Variants in OR1L6 observed in about 807,000 individuals in gnomAD.
OR1L6 encodes the protein olfactory receptor 1L6.
A neutral mutation model predicts 3.0 loss-of-function variants in OR1L6; 2 were observed. The observed-to-expected ratio is 0.68, with a 90% CI of 0.28 to 2.13. OR1L6 has a LOEUF of 2.13. OR1L6 is among the 30% of genes most tolerant of loss of function. The probability of loss-of-function intolerance (pLI) is 0.14; values close to 1 mark genes in which losing one functional copy is unlikely to be tolerated. For synonymous variants in OR1L6, 121 were observed against 148.4 expected (o/e 0.82, Z 1.34); for missense variants, 304 against 378.4 (o/e 0.80, Z 1.63).
Position 122,750,328 on chromosome 9 carries a change from G to A in OR1L6, c.481G>A (p.Val161Met), listed in dbSNP as rs769160847. The change falls in exon 2 of 2, where the codon GTG becomes ATG. Residue 161 changes from valine (V) to methionine (M), a missense_variant. By Grantham distance (21) the Val-to-Met change is conservative. Coordinates refer to ENST00000304720, the MANE Select transcript of OR1L6 (RefSeq NM_001004453.3). Reference sequence around the variant, plus strand: ...CTCCCACCTACATTCCCTGTTCCGCGTGCTACTTATGTCTCGCTTGTCTTT... The same window carrying A: ...CTCCCACCTACATTCCCTGTTCCGCATGCTACTTATGTCTCGCTTGTCTTT... The part of the protein sequence containing the change: ...SISHLHSLFR[V>M]LLMSRLSFCA... 3.2e-5 allele frequency: 52 copies of A among 1,613,632 alleles called. No individual in the cohort carries two copies. The highest frequency in any genetic ancestry group is 2.0e-4 in the East Asian group (9 of 44,886).
chr9:122,743,600 A>G (rs188024848), intron 1 of OR1L6, among the ~76,000 whole-genome samples: 53 of 152,316 alleles, frequency 3.5e-4, no homozygotes, highest in South Asian at 1.9e-3. Context: ...GACAGTAAGC[A>G]AGAAGAGGCT....
intron 1 of OR1L6, among the ~76,000 whole-genome samples, chr9:122,747,506 A>G (rs1828847925): frequency 2.0e-5 from 3 of 152,012 alleles, no homozygotes. Flanking sequence ...AGGTGCATTG[A>G]ATTTTATTAA....
At chr9:122,747,343 A>G (rs1227624139) in intron 1 of OR1L6, among the ~76,000 whole-genome samples, 1 of 151,936 alleles carries the variant, frequency 6.6e-6, no homozygotes, top group Non-Finnish European at 1.5e-5. Context: ...GTTTTTCACT[A>G]TTATGTAATT....
rs2118909418 is a variant in OR1L6 at position 122,747,865 on chromosome 9, G to A, written c.-13-1970G>A. On this transcript the variant is annotated intron_variant, in intron 1 of 1. Coordinates refer to ENST00000304720, the MANE Select transcript of OR1L6 (RefSeq NM_001004453.3). The stretch of plus-strand genomic sequence containing the variant: ...GTCTTTTAATTCTTACTTTTTCACT[G>A]ATTGAGACCACTATATCAACAGTAT... Among the ~76,000 whole-genome samples, 3 of 152,008 alleles carry A rather than the reference G, an allele frequency of 2.0e-5. No individual in the cohort carries two copies. The South Asian group carries it at 6.2e-4, about 32-fold the overall frequency.
At chr9:122,744,197 T>G (rs1313306976) in intron 1 of OR1L6, among the ~76,000 whole-genome samples, 1 of 152,254 alleles carries the variant, frequency 6.6e-6, no homozygotes, top group Non-Finnish European at 1.5e-5. Flanking sequence ...TAGTCAATTC[T>G]CTACTGTCCT....
In OR1L6 at chr9:122,750,591, A is replaced by G. The variant is rs1346377479; in HGVS notation, c.744A>G (p.Ala248=). 6.2e-7 allele frequency: 1 copy of G among 1,614,114 alleles called. No individual in the cohort carries two copies. Among genetic ancestry groups the G allele is most frequent in the Admixed American group, 1.7e-5 (1 of 60,012 alleles). The stretch of plus-strand genomic sequence containing the variant: ...CTACCTGTGGCTCCCACCTCACTGC[A>G]GTAGCCCTTTTCTATGGGAGTATTA... ...AFSTCGSHLT[A]VALFYGSIIY... Residue 248 remains alanine, a synonymous_variant, in exon 2 of 2, where the codon GCA becomes GCG. Coordinates refer to ENST00000304720, the MANE Select transcript of OR1L6 (RefSeq NM_001004453.3).
chr9:122,742,990 T>C (rs1469723523), intron 1 of OR1L6, among the ~76,000 whole-genome samples: 1 of 152,174 alleles, frequency 6.6e-6, no homozygotes, highest in African/African-American at 2.4e-5. Flanking sequence ...TTTCCTAGGA[T>C]GCTAAAATGA....
intron 1 of OR1L6, among the ~76,000 whole-genome samples, chr9:122,747,781 T>G (rs1828850804): frequency 6.6e-6 from 1 of 152,042 alleles, no homozygotes; most frequent in Non-Finnish European, 1.5e-5. Flanking sequence ...ATTTTAAATT[T>G]TTTCAGATGA....
intron 1 of OR1L6, 97 bp downstream of exon 1, chr9:122,742,470 T>A (rs1220157065): frequency 6.6e-6 from 1 of 152,232 alleles, no homozygotes; most frequent in East Asian, 1.9e-4. Flanking sequence ...CTCTCCTCCA[T>A]CTCAAAAGCC....
intron 1 of OR1L6, 185 bp from the exon 2 acceptor site, chr9:122,749,650 G>T (rs1828869526): frequency 1.5e-6 from 1 of 675,384 alleles, no homozygotes; most frequent in African/African-American, 1.8e-5. Flanking sequence ...GGAGCTTGCA[G>T]TGAGCTGAGA....
At chr9:122,742,425 AG>A (rs1256714929) in intron 1 of OR1L6, 52 bp downstream of exon 1, 1 of 152,200 alleles carries the variant, frequency 6.6e-6, no homozygotes, top group Non-Finnish European at 1.5e-5. Flanking sequence ...CAATATCTTC[AG>A]GTGATCTTCT....
chr9:122,748,918 C>T (rs143833479), intron 1 of OR1L6, among the ~76,000 whole-genome samples: 115 of 152,296 alleles, frequency 7.6e-4, no homozygotes, highest in Middle Eastern at 3.4e-3. Context: ...TTTATCATGG[C>T]TAAACAGTAT....
rs751427802 is a variant in OR1L6, at chr9:122,750,266, G to C, written c.419G>C (p.Arg140Pro). Residue 140 changes from arginine to proline, a missense_variant, in exon 2 of 2, where the codon CGG becomes CCG. Around this residue, in one of 3 missense-constraint regions of OR1L6, gnomAD observed 192 missense variants for 242.7 expected, o/e 0.79. Coordinates refer to ENST00000304720, the MANE Select transcript of OR1L6 (RefSeq NM_001004453.3). ...PLHYDVVMKP[R>P]HCLLMLLGSC... ...CACTATGATGTGGTTATGAAACCAC[G>C]GCATTGCCTGCTCATGCTATTGGGT... 6.2e-6 allele frequency: 10 copies of C among 1,613,892 alleles called. No individual in the cohort carries two copies. The African/African-American group carries it at 1.3e-4, about 22-fold the overall frequency.
At chr9:122,749,118 T>C (rs1288514099) in intron 1 of OR1L6, among the ~76,000 whole-genome samples, 1 of 152,248 alleles carries the variant, frequency 6.6e-6, no homozygotes, top group Non-Finnish European at 1.5e-5. Flanking sequence ...GATCTGTGTG[T>C]CTGTTTTTAT....
Position 122,748,335 on chromosome 9 carries a change from C to A in OR1L6, c.-13-1500C>A, listed in dbSNP as rs531620105. On this transcript the variant is annotated intron_variant, in intron 1 of 1. Coordinates refer to ENST00000304720, the MANE Select transcript of OR1L6 (RefSeq NM_001004453.3). ...GGACCCTGAATGAAAGGGTGTCATT[C>A]ATGGAGATACCCTGAATGAAAGTAT... Among the ~76,000 whole-genome samples the A allele has an allele frequency of 2.0e-5, 3 of 151,860 alleles. No individual in the cohort carries two copies. The South Asian group carries it at 6.3e-4, about 32-fold the overall frequency.
intron 1 of OR1L6, among the ~76,000 whole-genome samples, chr9:122,743,492 A>C (rs1828808011): frequency 1.3e-5 from 2 of 152,240 alleles, no homozygotes; most frequent in African/African-American, 4.8e-5. Context: ...AAGCCAGCCT[A>C]GAAAGGACCT....
chr9:122,749,329 G>GAT (rs1326272358), intron 1 of OR1L6, among the ~76,000 whole-genome samples: 2 of 152,132 alleles, frequency 1.3e-5, no homozygotes, highest in Non-Finnish European at 2.9e-5. Flanking sequence ...TGTTCAGTAT[G>GAT]TAGATTGCTT....
chr9:122,749,723 A>T (rs751244168), intron 1 of OR1L6, 112 bp from the exon 2 acceptor site: 1 of 1,023,232 alleles, frequency 9.8e-7, no homozygotes, highest in Non-Finnish European at 1.5e-6. Flanking sequence ...AAAAAAAAAC[A>T]ACCGTAACAA....
chr9:122,742,389 G>A lies in OR1L6; in HGVS notation c.-14+16G>A, dbSNP rs1367871923. 6.6e-6 allele frequency: 1 copy of A among 152,080 alleles called. No homozygotes were observed. Among genetic ancestry groups the A allele is most frequent in the African/African-American group, 2.4e-5 (1 of 41,378 alleles). The allele number at this position is 152,080 out of a possible 1,614,324, so 9.4% of individuals were successfully genotyped here. Reference sequence around the variant, plus strand: ...AAGCCCACAGGTAGGCACACTGAGGGGACTTGATAATGGGAACTGTGGAGT... The same window carrying A: ...AAGCCCACAGGTAGGCACACTGAGGAGACTTGATAATGGGAACTGTGGAGT... On this transcript the variant is annotated intron_variant, in intron 1 of 1. Transcript: ENST00000304720.
Sources: allele counts gnomAD v4.1 joint callset (sites outside exome capture counted in the v4.1 genomes callset), GRCh38; gene constraint gnomAD v4.1.1; regional missense constraint gnomAD v4.1.1; transcripts MANE v1.5; gene names NCBI Gene and HGNC (gene_info 2026-07-23, HGNC 2026-07-21).